Variants in PODXL2 observed in about 807,000 individuals in gnomAD.
PODXL2 encodes the protein podocalyxin like 2, also known as podocalyxin-like protein 2.
A neutral mutation model predicts 53.4 loss-of-function variants in PODXL2; 17 were observed. The ratio of observed to expected loss-of-function variants is 0.32; its 90% CI spans 0.22 to 0.48. The LOEUF (loss-of-function observed/expected upper bound fraction) is 0.48, where lower values mean the gene tolerates loss of function less well. Ranked by LOEUF, PODXL2 falls within the 20% of genes least tolerant of loss-of-function variation. The probability of loss-of-function intolerance (pLI) is 0.99; values close to 1 mark genes in which losing one functional copy is unlikely to be tolerated. For missense variants in PODXL2, 673 were observed against 760.0 expected (o/e 0.89, Z 1.35); for synonymous variants, 311 against 306.7 (o/e 1.01, Z -0.15).
intron 3 of PODXL2, among the ~76,000 whole-genome samples, 159 bp downstream of exon 3, chr3:127,661,318 T>A (rs752660294): frequency 3.3e-5 from 5 of 152,136 alleles, no homozygotes; most frequent in Non-Finnish European, 5.9e-5. Flanking sequence ...GATGCAAACC[T>A]CAGGGCCAAC....
At chr3:127,667,408 G>A (rs2074799981) in intron 4 of PODXL2, among the ~76,000 whole-genome samples, 1 of 152,230 alleles carries the variant, frequency 6.6e-6, no homozygotes, top group Non-Finnish European at 1.5e-5. Flanking sequence ...CTGAGCACCT[G>A]GGAGAGGGGT....
chr3:127,658,930 A>G (rs745709551), intron 2 of PODXL2, among the ~76,000 whole-genome samples: 1 of 151,702 alleles, frequency 6.6e-6, no homozygotes, highest in Non-Finnish European at 1.5e-5. Context: ...GGTTGTCTGT[A>G]TCTTTTAACT....
rs182997503 is a variant in PODXL2 at position 127,629,200 on chromosome 3, C to T, written c.-20C>T. ...CCCGGGCGCCGCGCCGCTGCGGCTG[C>T]AGGCGGCGACGGCTACACCATGGGC... On this transcript the variant is annotated 5_prime_UTR_variant, in exon 1 of 8. Transcript: ENST00000342480. This position sits in a 1 kb window ranked among gnomAD's most constrained non-coding sequence, Gnocchi z 6.4. The T allele has an allele frequency of 1.0e-6, 1 of 984,200 alleles. No individual in the cohort carries two copies. The highest frequency in any genetic ancestry group is 1.8e-5 in the African/African-American group (1 of 56,642). The allele number at this position is 984,200 out of a possible 1,614,324, so 61.0% of individuals were successfully genotyped here.
chr3:127,661,195 C>A, intron 3 of PODXL2, 36 bp downstream of exon 3: 2 of 1,519,914 alleles, frequency 1.3e-6, no homozygotes, highest in Non-Finnish European at 1.8e-6. Context: ...CACCCTGTAC[C>A]TTCTTCACAG....
At position 127,662,056 on chromosome 3, in the gene PODXL2, A is replaced by G. The variant is rs72967663; in HGVS notation, c.1132-181A>G. Reference sequence around the variant, plus strand: ...CATTCCCTGCTTGGTCCCCAAAGACATTCGAGTTTGTACTCCTTGGCATGG... The same window carrying G: ...CATTCCCTGCTTGGTCCCCAAAGACGTTCGAGTTTGTACTCCTTGGCATGG... On this transcript the variant is annotated intron_variant, in intron 3 of 7. Coordinates refer to ENST00000342480, the MANE Select transcript of PODXL2 (RefSeq NM_015720.4). 1.5e-3 allele frequency among the ~76,000 whole-genome samples: 234 copies of G among 152,292 alleles called. 1 individual carries two copies. Among genetic ancestry groups the G allele is most frequent in the African/African-American group, 5.5e-3 (229 of 41,560 alleles).
At chr3:127,634,544 T>A (rs1392421636) in intron 1 of PODXL2, among the ~76,000 whole-genome samples, 2 of 150,824 alleles carry the variant, frequency 1.3e-5, no homozygotes, top group African/African-American at 4.9e-5. Context: ...CCAACATGGT[T>A]AAACTCTATC....
At chr3:127,642,430 CA>C (rs887266860) in intron 2 of PODXL2, among the ~76,000 whole-genome samples, 31 of 151,998 alleles carry the variant, frequency 2.0e-4, no homozygotes, top group Non-Finnish European at 4.4e-4. Flanking sequence ...GGTGAACTAC[CA>C]AAGGACTCAC....
Position 127,665,313 on chromosome 3 carries a change from A to C in PODXL2, c.1206+3002A>C, listed in dbSNP as rs568158737. Among the ~76,000 whole-genome samples the C allele has an allele frequency of 9.2e-5, 14 of 152,364 alleles. No individual in the cohort carries two copies. The South Asian group carries it at 2.5e-3, about 27-fold the overall frequency. Reference sequence around the variant, plus strand: ...AAATGTGCATAAAAACTGATGGGCTATACAGAGACTACATATTCAGAAAAA... The same window carrying C: ...AAATGTGCATAAAAACTGATGGGCTCTACAGAGACTACATATTCAGAAAAA... On this transcript the variant is annotated intron_variant, in intron 4 of 7. Transcript: ENST00000342480.
intron 2 of PODXL2, among the ~76,000 whole-genome samples, chr3:127,643,703 A>G (rs1033582586): frequency 3.9e-5 from 6 of 152,034 alleles, no homozygotes; most frequent in Admixed American, 2.0e-4. Flanking sequence ...CAGCAGCACA[A>G]TCTCAGCTCA....
At chr3:127,671,087 G>A (rs1186953593) in intron 6 of PODXL2, among the ~76,000 whole-genome samples, 1 of 152,188 alleles carries the variant, frequency 6.6e-6, no homozygotes, top group Non-Finnish European at 1.5e-5. Flanking sequence ...TAGGATAGGT[G>A]TGGGCACTCT....
At chr3:127,645,812 C>G (rs1311559256) in intron 2 of PODXL2, among the ~76,000 whole-genome samples, 2 of 152,214 alleles carry the variant, frequency 1.3e-5, no homozygotes, top group African/African-American at 4.8e-5. Flanking sequence ...GCCCTACCCC[C>G]CTATTCTTGT....
chr3:127,660,681 C>T lies in PODXL2; in HGVS notation c.653C>T (p.Thr218Ile), dbSNP rs1456224360. The T allele has an allele frequency of 6.2e-7, 1 of 1,614,180 alleles. No individual in the cohort carries two copies. Among genetic ancestry groups the T allele is most frequent in the Non-Finnish European group, 8.5e-7 (1 of 1,180,038 alleles). The change falls in exon 3 of 8, where the codon ACC becomes ATC. Residue 218 changes from threonine (T) to isoleucine (I), a missense_variant. Physicochemically the swap from Thr to Ile is moderately conservative, Grantham distance 89. This residue lies in a region of PODXL2 where 588 missense variants were observed against 668.3 expected (regional missense o/e 0.88). Transcript: ENST00000342480. ...LTSSSQTPGA[T>I]KSRHEDSGDQ... ...AGCAGCAGCCAGACCCCAGGGGCCA[C>T]CAAAAGCAGGCATGAAGACTCCGGG...
rs887150052 is a variant in PODXL2, at chr3:127,672,652, A to G, written c.*172A>G. 1 of 495,012 alleles carries G rather than the reference A, an allele frequency of 2.0e-6. No individual in the cohort carries two copies. Among genetic ancestry groups the G allele is most frequent in the Non-Finnish European group, 3.5e-6 (1 of 288,400 alleles). 30.7% of individuals were successfully genotyped at this position (495,012 alleles called of 1,614,324 possible). ...CGACTTCACACGGCGGCTTCGGACC[A>G]ACTCCCTCACTCCCGCCCGAGGGGC... On this transcript the variant is annotated 3_prime_UTR_variant, in exon 8 of 8. Transcript: ENST00000342480.
chr3:127,669,289 C>G (rs1264324229), intron 6 of PODXL2, 87 bp downstream of exon 6: 7 of 918,492 alleles, frequency 7.6e-6, no homozygotes, highest in Admixed American at 2.3e-5. Flanking sequence ...CTGCCCACAT[C>G]GTGAGGTTCA....
chr3:127,646,722 A>G (rs1438187348), intron 2 of PODXL2, among the ~76,000 whole-genome samples: 1 of 152,086 alleles, frequency 6.6e-6, no homozygotes, highest in African/African-American at 2.4e-5. Context: ...GGACTTCACA[A>G]CCATTCTGTG....
intron 5 of PODXL2, 98 bp from the exon 6 acceptor site, chr3:127,669,041 CAG>C: frequency 1.4e-6 from 1 of 710,376 alleles, no homozygotes; most frequent in Non-Finnish European, 2.3e-6. Flanking sequence ...GGAAGGGAGA[CAG>C]AGGCTCAGGC....
At chr3:127,647,538 C>A (rs1292884930) in intron 2 of PODXL2, among the ~76,000 whole-genome samples, 1 of 152,212 alleles carries the variant, frequency 6.6e-6, no homozygotes, top group African/African-American at 2.4e-5. Context: ...GGCTCACGGG[C>A]CTGTCTGATA....
At chr3:127,643,902 G>C (rs944051134) in intron 2 of PODXL2, among the ~76,000 whole-genome samples, 1 of 152,088 alleles carries the variant, frequency 6.6e-6, no homozygotes, top group Non-Finnish European at 1.5e-5. Context: ...GCCTCCCAAA[G>C]TGCTGGGATT....
At chr3:127,652,004 G>A (rs939358846) in intron 2 of PODXL2, among the ~76,000 whole-genome samples, 15 of 152,218 alleles carry the variant, frequency 9.9e-5, no homozygotes, top group African/African-American at 2.9e-4. Flanking sequence ...ACAAAGGTAC[G>A]GGCAGACTGG....
Sources: allele counts gnomAD v4.1 joint callset (sites outside exome capture counted in the v4.1 genomes callset), GRCh38; gene constraint gnomAD v4.1.1; regional missense constraint gnomAD v4.1.1; non-coding constraint Gnocchi (gnomAD v3.1); transcripts MANE v1.5; gene names NCBI Gene and HGNC (gene_info 2026-07-23, HGNC 2026-07-21).